PDE1A: variants seen among roughly 807,000 people sequenced by gnomAD.
PDE1A encodes the protein dual specificity calcium/calmodulin-dependent 3',5'-cyclic nucleotide phosphodiesterase 1A.
Under a neutral mutation model 61.7 loss-of-function variants are expected in PDE1A, and 35 were observed. The ratio of observed to expected loss-of-function variants is 0.57; its 90% CI spans 0.43 to 0.75. The LOEUF (loss-of-function observed/expected upper bound fraction) is 0.75. PDE1A is among the 30% of genes least tolerant of loss of function. The probability of loss-of-function intolerance (pLI) is 0.00; values close to 1 mark genes in which losing one functional copy is unlikely to be tolerated. For synonymous variants in PDE1A, 232 were observed against 213.2 expected, an observed-to-expected ratio of 1.09 and a Z score of -0.77; for missense variants, 597 against 630.6, an observed-to-expected ratio of 0.95 and a Z score of 0.57.
intron 1 of PDE1A, among the ~76,000 whole-genome samples, chr2:182,371,912 GTAGC>G (rs1700146231): frequency 2.6e-5 from 4 of 152,108 alleles, no homozygotes; most frequent in Admixed American, 2.6e-4. Flanking sequence ...AGCCTCCTGA[GTAGC>G]TAGGACCACA....
chr2:182,514,971 T>A (rs2125968187), intron 2 of PDE1A, among the ~76,000 whole-genome samples: 1 of 152,342 alleles, frequency 6.6e-6, no homozygotes, highest in East Asian at 1.9e-4. Context: ...CAAACCATGT[T>A]CTTCCATGCA....
At chr2:182,615,686 A>C in the PDE1A span, among the ~76,000 whole-genome samples, 2 of 152,208 alleles carry the variant, frequency 1.3e-5, no homozygotes, top group Non-Finnish European at 2.9e-5. Context: ...GAAGCTCAAT[A>C]TCAAGGGTCC....
At chr2:182,323,279 T>C (rs917041010) in intron 1 of PDE1A, among the ~76,000 whole-genome samples, 2 of 152,222 alleles carry the variant, frequency 1.3e-5, no homozygotes, top group Non-Finnish European at 2.9e-5. Context: ...CTGTTCGATA[T>C]ATTTTGTAAA....
At chr2:182,626,553 A>T in the PDE1A span, among the ~76,000 whole-genome samples, 1 of 151,150 alleles carries the variant, frequency 6.6e-6, no homozygotes, top group Non-Finnish European at 1.5e-5. Context: ...GTATAAAAAA[A>T]AACCATGATG....
chr2:182,330,185 A>C (rs974282608), intron 1 of PDE1A, among the ~76,000 whole-genome samples: 2 of 152,038 alleles, frequency 1.3e-5, no homozygotes, highest in Non-Finnish European at 2.9e-5. Context: ...CTCTACTAAA[A>C]ATACAACAAT....
chr2:182,229,290 A>G (rs1689379786), intron 6 of PDE1A, among the ~76,000 whole-genome samples: 1 of 152,114 alleles, frequency 6.6e-6, no homozygotes, highest in Non-Finnish European at 1.5e-5. Flanking sequence ...CGATTAAAGC[A>G]GGTGCTAGGA....
intron 13 of PDE1A, among the ~76,000 whole-genome samples, chr2:182,157,974 G>A (rs974948153): frequency 6.6e-6 from 1 of 152,078 alleles, no homozygotes; most frequent in African/African-American, 2.4e-5. Flanking sequence ...TTTAACCTGG[G>A]GTGAGAAAGT....
At chr2:182,350,398 G>A (rs965426128) in intron 1 of PDE1A, among the ~76,000 whole-genome samples, 1 of 152,166 alleles carries the variant, frequency 6.6e-6, no homozygotes, top group Non-Finnish European at 1.5e-5. Context: ...TGCTGGGGAT[G>A]CTTATATCCT....
the PDE1A span, among the ~76,000 whole-genome samples, chr2:182,614,062 C>T: frequency 2.6e-5 from 4 of 152,210 alleles, no homozygotes; most frequent in Admixed American, 2.0e-4. Flanking sequence ...AAGGCAAGTA[C>T]ATCCTGTTAG....
intron 7 of PDE1A, among the ~76,000 whole-genome samples, chr2:182,209,584 T>C (rs1687406674): frequency 6.6e-6 from 1 of 151,730 alleles, no homozygotes; most frequent in African/African-American, 2.4e-5. Flanking sequence ...TCTCCAGTAC[T>C]GGTAGAGGGA....
Position 182,284,469 on chromosome 2 carries a change from T to C in PDE1A, c.54-20055A>G, listed in dbSNP as rs1842639. On this transcript the variant is annotated intron_variant, in intron 1 of 13. Coordinates refer to ENST00000351439, the Ensembl canonical transcript of PDE1A. ...CAAATTTGGAGAAGCATTGGCTAAT[T>C]TGTTATTTTCACTATCTTTGCTAAA... Among the ~76,000 whole-genome samples the C allele has an allele frequency of 3.2e-3, 487 of 152,252 alleles. 2 individuals carry two copies. Among genetic ancestry groups the C allele is most frequent in the African/African-American group, 0.011 (471 of 41,584 alleles).
At chr2:182,541,945 G>A in the PDE1A span, among the ~76,000 whole-genome samples, 1 of 152,068 alleles carries the variant, frequency 6.6e-6, no homozygotes, top group East Asian at 1.9e-4. Context: ...CTTAAGGAGA[G>A]GCCCGAATAT....
chr2:182,561,237 G>T, the PDE1A span, among the ~76,000 whole-genome samples: 7 of 152,196 alleles, frequency 4.6e-5, no homozygotes, highest in Admixed American at 1.3e-4. Flanking sequence ...TTTGTATAAG[G>T]TGTAAGGAAG....
intron 1 of PDE1A, among the ~76,000 whole-genome samples, chr2:182,379,538 T>C (rs1700607213): frequency 6.6e-6 from 1 of 152,200 alleles, no homozygotes. Context: ...GGCTGAACTT[T>C]AACAGCACAA....
chr2:182,712,681 T>G, the PDE1A span, among the ~76,000 whole-genome samples: 2 of 152,046 alleles, frequency 1.3e-5, no homozygotes, highest in Non-Finnish European at 2.9e-5. Context: ...CTCAGCCTCC[T>G]GAGTAACTGG....
chr2:182,506,336 A>G (rs926582809), intron 2 of PDE1A, among the ~76,000 whole-genome samples: 2 of 152,208 alleles, frequency 1.3e-5, no homozygotes, highest in African/African-American at 4.8e-5. Flanking sequence ...TTTTAAAATA[A>G]GACCAAATAA....
intron 3 of PDE1A, among the ~76,000 whole-genome samples, chr2:182,236,345 TG>T (rs1690012368): frequency 1.4e-5 from 2 of 146,330 alleles, no homozygotes; most frequent in East Asian, 2.2e-4. Context: ...GATACTCAGG[TG>T]TTTTTTTTTT....
At chr2:182,247,823 A>G (rs1398105001) in intron 2 of PDE1A, among the ~76,000 whole-genome samples, 1 of 152,234 alleles carries the variant, frequency 6.6e-6, no homozygotes, top group Admixed American at 6.5e-5. Flanking sequence ...CATTTTTGAA[A>G]GAAATTTGTG....
intron 2 of PDE1A, among the ~76,000 whole-genome samples, chr2:182,446,410 G>A (rs1685137033): frequency 1.3e-5 from 2 of 152,216 alleles, no homozygotes; most frequent in East Asian, 1.9e-4. Flanking sequence ...TCAGGTCAGA[G>A]GATGGAGATA....
Sources: gnomAD v4.1 joint callset for allele counts (sites outside exome capture counted in the v4.1 genomes callset) on GRCh38, gnomAD v4.1.1 for gene constraint, MANE v1.5 for transcripts, NCBI Gene and HGNC (gene_info 2026-07-23, HGNC 2026-07-21) for gene names.